The following NIN variants were observed in gnomAD, a reference collection of about 807,000 sequenced individuals.
NIN encodes the protein ninein.
Under a neutral mutation model 257.6 loss-of-function variants are expected in NIN, and 137 were observed. That is an observed-to-expected ratio of 0.53 (90% confidence interval 0.46 to 0.61). The LOEUF (loss-of-function observed/expected upper bound fraction) is 0.61. Ranked by LOEUF, NIN falls within the 20% of genes least tolerant of loss-of-function variation. NIN has a pLI of 0.00. For synonymous variants in NIN, 918 were observed against 919.8 expected (o/e 1.00, Z 0.04); for missense variants, 2,439 against 2,501.2 (o/e 0.98, Z 0.53).
At chr14:50,742,051 A>G in intron 24 of NIN, 1 of 233,434 alleles carries the variant, frequency 4.3e-6, no homozygotes, top group Non-Finnish European at 8.4e-6. Context: ...TTTTGTAGAA[A>G]TTGTTTTAGC....
intron 5 of NIN, among the ~76,000 whole-genome samples, chr14:50,790,965 A>T (rs1258107695): frequency 6.6e-6 from 1 of 152,234 alleles, no homozygotes; most frequent in Admixed American, 6.5e-5. Flanking sequence ...TTCCTAGATG[A>T]GGACTAGAAA....
intron 3 of NIN, among the ~76,000 whole-genome samples, chr14:50,816,216 T>TG (rs933250863): frequency 7.7e-6 from 1 of 129,254 alleles, no homozygotes; most frequent in African/African-American, 3.0e-5. Context: ...ACCTGTGAGG[T>TG]GGGGGGAGGG....
intron 4 of NIN, among the ~76,000 whole-genome samples, chr14:50,801,451 C>G (rs920366911): frequency 1.3e-5 from 2 of 152,182 alleles, no homozygotes; most frequent in African/African-American, 4.8e-5. Context: ...TTCATTGATG[C>G]CAGCAGAACA....
At chr14:50,763,135 A>G (rs2042337082) in intron 15 of NIN, among the ~76,000 whole-genome samples, 1 of 152,166 alleles carries the variant, frequency 6.6e-6, no homozygotes, top group African/African-American at 2.4e-5. Flanking sequence ...CGACACTCCT[A>G]TCCCCAATAG....
At chr14:50,807,720 A>T (rs2044393727) in intron 3 of NIN, among the ~76,000 whole-genome samples, 1 of 152,220 alleles carries the variant, frequency 6.6e-6, no homozygotes, top group Non-Finnish European at 1.5e-5. Context: ...TGACAGATAA[A>T]CTTCCAAATC....
chr14:50,726,087 T>C, intron 29 of NIN, 21 bp from the exon 30 acceptor site: 1 of 1,579,530 alleles, frequency 6.3e-7, no homozygotes, highest in Non-Finnish European at 8.7e-7. Flanking sequence ...GAAAAGTATA[T>C]TATTCGAAAA....
intron 22 of NIN, 66 bp from the exon 23 acceptor site, chr14:50,744,431 C>T: frequency 2.0e-6 from 3 of 1,536,458 alleles, no homozygotes; most frequent in Non-Finnish European, 1.8e-6. Context: ...AGGGGTATTT[C>T]TAAATAGGGC....
rs2041097883 is a variant in NIN, at chr14:50,738,254, C to T, written c.5661G>A (p.Lys1887=). 2 of 1,613,746 alleles carry T rather than the reference C, an allele frequency of 1.2e-6. No individual in the cohort carries two copies. Among genetic ancestry groups the T allele is most frequent in the Non-Finnish European group, 1.7e-6 (2 of 1,179,816 alleles). ...CTGATGGGTTTAGATGTTTTTGGTG[C>T]TTGGGAAGAAGATTGGATTCCAACT... ...VRQLESNLLP[K]HQKHLNPSGT... is the part of the protein sequence containing the mutation. Residue 1887 remains lysine, a synonymous_variant, in exon 27 of 31, where the codon AAG becomes AAA. Transcript: ENST00000530997.
chr14:50,765,814 G>T (rs187984916), intron 14 of NIN, among the ~76,000 whole-genome samples: 79 of 146,832 alleles, frequency 5.4e-4, no homozygotes, highest in Admixed American at 1.4e-3. Context: ...GCTAATTTTT[G>T]AATAATAATG....
chr14:50,741,612 T>TAAAG lies in NIN; in HGVS notation c.5414_5417dup (p.Leu1806PhefsTer4), dbSNP rs780116463. On this transcript the variant is annotated frameshift_variant, in exon 25 of 31. Coordinates refer to ENST00000530997, the MANE Select transcript of NIN (RefSeq NM_020921.4). LOFTEE classifies it high-confidence loss of function. Reference sequence around the variant, plus strand: ...CACCAGCATTCTGAAGTTGCTTATGTAAAGACATCACTTCTTGTTTTAAAG... The same window carrying TAAAG: ...CACCAGCATTCTGAAGTTGCTTATGTAAAGAAAGACATCACTTCTTGTTTTAAAG... 6.2e-7 allele frequency: 1 copy of TAAAG among 1,614,160 alleles called. No individual in the cohort carries two copies. Among genetic ancestry groups the TAAAG allele is most frequent in the Non-Finnish European group, 8.5e-7 (1 of 1,180,016 alleles).
In NIN at chr14:50,755,422, A is replaced by T. The variant is rs575142919; in HGVS notation, c.4539-555T>A. 2.0e-5 allele frequency among the ~76,000 whole-genome samples: 3 copies of T among 152,010 alleles called. No homozygotes were observed. In the East Asian group the frequency reaches 5.8e-4, roughly 29 times the overall value. ...AGAGGAAAAACTACATTCAGAATTA[A>T]ATTATTTCAGAGACATTTCAGACGT... On this transcript the variant is annotated intron_variant, in intron 18 of 30. Transcript: ENST00000530997.
rs2040285371 is a variant in NIN, at chr14:50,722,219, A to G, written c.*1244T>C. ...ACTGTTCTATAAAGTTTTGATCTTGAGCATGAGTGGAAAGTCCTATTTGGC... is the reference window on the plus strand; with the variant it reads ...ACTGTTCTATAAAGTTTTGATCTTGGGCATGAGTGGAAAGTCCTATTTGGC... On this transcript the variant is annotated 3_prime_UTR_variant, in exon 31 of 31. Coordinates refer to ENST00000530997, the MANE Select transcript of NIN (RefSeq NM_020921.4). 1 of 225,794 alleles carries G rather than the reference A, an allele frequency of 4.4e-6. No individual in the cohort carries two copies. Among genetic ancestry groups the G allele is most frequent in the East Asian group, 6.4e-5 (1 of 15,740 alleles). The allele number at this position is 225,794 out of a possible 1,614,324, so 14.0% of individuals were successfully genotyped here.
chr14:50,755,648 C>CTTTTTTTT lies in NIN; in HGVS notation c.4539-789_4539-782dup, dbSNP rs71118900. 7.5e-5 allele frequency among the ~76,000 whole-genome samples: 6 copies of CTTTTTTTT among 80,016 alleles called. No individual in the cohort carries two copies. The South Asian group carries it at 1.7e-3, about 23-fold the overall frequency. The allele number at this position is 80,016 out of a possible 152,430, so 52.5% of individuals were successfully genotyped here. A position where few individuals can be genotyped will look rare whatever the true frequency, so the allele number is the denominator to read the frequency against. ...TAAATTTCCACTGTTTGTTTTGTCTCTTTTTTTTTTTTTTTTTTTTTTTTT... is the reference window on the plus strand; with the variant it reads ...TAAATTTCCACTGTTTGTTTTGTCTCTTTTTTTTTTTTTTTTTTTTTTTTTTTTTTTTT... On this transcript the variant is annotated intron_variant, in intron 18 of 30. Coordinates refer to ENST00000530997, the MANE Select transcript of NIN (RefSeq NM_020921.4).
chr14:50,784,574 A>G (rs1242856175), intron 5 of NIN, among the ~76,000 whole-genome samples: 4 of 152,222 alleles, frequency 2.6e-5, no homozygotes, highest in African/African-American at 9.6e-5. Flanking sequence ...GGCAGAAAAA[A>G]CAGCAGACAG....
At chr14:50,758,682 CA>C in intron 17 of NIN, 52 bp from the exon 18 acceptor site, 1 of 1,490,088 alleles carries the variant, frequency 6.7e-7, no homozygotes, top group Non-Finnish European at 9.0e-7. Context: ...ACTCCAGAAG[CA>C]AACAAAAACC....
chr14:50,831,107 C>G lies in NIN; in HGVS notation c.-177G>C, dbSNP rs1595972557. ...GCGGGACGGCCGCGCCCAGCGCGCT[C>G]GGCTCCCGGCTCGGCCGCGGCCACC... On this transcript the variant is annotated 5_prime_UTR_variant, in exon 1 of 31. Coordinates refer to ENST00000530997, the MANE Select transcript of NIN (RefSeq NM_020921.4). 2 of 149,726 alleles carry G rather than the reference C, an allele frequency of 1.3e-5. No individual in the cohort carries two copies. Among genetic ancestry groups the G allele is most frequent in the South Asian group, 4.1e-4 (2 of 4,836 alleles). 9.3% of individuals were successfully genotyped at this position (149,726 alleles called of 1,614,324 possible). A position where few individuals can be genotyped will look rare whatever the true frequency, so the allele number is the denominator to read the frequency against.
At chr14:50,781,851 G>T (rs1446559699) in intron 5 of NIN, among the ~76,000 whole-genome samples, 1 of 152,138 alleles carries the variant, frequency 6.6e-6, no homozygotes, top group African/African-American at 2.4e-5. Flanking sequence ...GATACATGTG[G>T]AATTTATTTT....
intron 12 of NIN, among the ~76,000 whole-genome samples, chr14:50,769,920 G>T (rs1337744477): frequency 6.6e-6 from 1 of 150,740 alleles, no homozygotes; most frequent in East Asian, 1.9e-4. Context: ...TCCAGTCTGG[G>T]TGACAGAGTG....
rs45487099 is a variant in NIN at position 50,719,918 on chromosome 14, C to A, written c.*3545G>T. 2,042 of 210,728 alleles carry A rather than the reference C, an allele frequency of 9.7e-3. 14 individuals are homozygous for A. The highest frequency in any genetic ancestry group is 0.028 in the Middle Eastern group (18 of 642). 13.1% of individuals were successfully genotyped at this position (210,728 alleles called of 1,614,324 possible). ...ATACAAAGCTGATATAAACACAGAA[C>A]TCATTAATCTTTATCTGAACAGAAA... is the stretch of plus-strand genomic sequence containing the variant. On this transcript the variant is annotated 3_prime_UTR_variant, in exon 31 of 31. Coordinates refer to ENST00000530997, the MANE Select transcript of NIN (RefSeq NM_020921.4).
Sources: gnomAD v4.1 joint callset for allele counts (sites outside exome capture counted in the v4.1 genomes callset) on GRCh38, gnomAD v4.1.1 for gene constraint, MANE v1.5 for transcripts, NCBI Gene and HGNC (gene_info 2026-07-23, HGNC 2026-07-21) for gene names.